The following PTPN14 variants were observed in gnomAD, a reference collection of about 807,000 sequenced individuals.
PTPN14 encodes protein tyrosine phosphatase non-receptor type 14, also known as tyrosine-protein phosphatase non-receptor type 14.
Under a neutral mutation model 126.8 loss-of-function variants are expected in PTPN14, and 53 were observed. That is an observed-to-expected ratio of 0.42 (90% CI 0.34 to 0.53). The LOEUF (loss-of-function observed/expected upper bound fraction) is 0.53, where lower values mean the gene tolerates loss of function less well. Among genes scored for constraint, PTPN14 ranks in the 20% least tolerant of loss-of-function variants. PTPN14 has a pLI of 0.08. For missense variants in PTPN14, 1,257 were observed against 1,552.9 expected (o/e 0.81, Z 3.20); for synonymous variants, 630 against 599.3 (o/e 1.05, Z -0.75).
At chr1:214,507,045 T>C (rs1188527339) in intron 1 of PTPN14, among the ~76,000 whole-genome samples, 1 of 152,062 alleles carries the variant, frequency 6.6e-6, no homozygotes, top group African/African-American at 2.4e-5. Flanking sequence ...CATTCATGGA[T>C]ATCACCTGCT....
At chr1:214,518,355 C>G (rs7416755) in intron 1 of PTPN14, among the ~76,000 whole-genome samples, 1 of 152,212 alleles carries the variant, frequency 6.6e-6, no homozygotes, top group African/African-American at 2.4e-5. Flanking sequence ...CTTTTAGAAT[C>G]TGATAAATGA....
At chr1:214,411,247 T>C (rs1450369629) in intron 5 of PTPN14, among the ~76,000 whole-genome samples, 1 of 152,120 alleles carries the variant, frequency 6.6e-6, no homozygotes, top group Admixed American at 6.5e-5. Flanking sequence ...CTATTAAACA[T>C]AGTACTGGAA....
Position 214,464,972 on chromosome 1 carries a change from G to C in PTPN14, c.-154-15C>G. ...CTGGAAGATAGCTGTAAATGCAAAA[G>C]AAATGCCATGGTCATGCTCCAGAAG... On this transcript the variant is annotated splice_polypyrimidine_tract_variant and intron_variant, in intron 1 of 18. Coordinates refer to ENST00000366956, the MANE Select transcript of PTPN14 (RefSeq NM_005401.5). 4.0e-6 allele frequency: 3 copies of C among 746,720 alleles called. No individual in the cohort carries two copies. Among genetic ancestry groups the C allele is most frequent in the Admixed American group, 3.0e-5 (1 of 33,400 alleles). 46.3% of individuals were successfully genotyped at this position (746,720 alleles called of 1,614,324 possible).
intron 1 of PTPN14, among the ~76,000 whole-genome samples, chr1:214,479,720 T>C (rs1660945586): frequency 6.6e-6 from 1 of 152,216 alleles, no homozygotes; most frequent in Admixed American, 6.5e-5. Context: ...TTTTGAATTA[T>C]TAGGGTTAGA....
Position 214,384,793 on chromosome 1 carries a change from A to C in PTPN14, c.1067-5T>G, listed in dbSNP as rs749653042. The C allele has an allele frequency of 6.2e-7, 1 of 1,605,214 alleles. No homozygotes were observed. The highest frequency in any genetic ancestry group is 1.1e-5 in the South Asian group (1 of 90,056). On this transcript the variant is annotated splice_region_variant and splice_polypyrimidine_tract_variant and intron_variant, in intron 12 of 18. Coordinates refer to ENST00000366956, the MANE Select transcript of PTPN14 (RefSeq NM_005401.5). This position sits in a 1 kb window ranked among gnomAD's most constrained non-coding sequence, Gnocchi z 5.3. ...CATTCCCATGAAAAATGCTGTCTAC[A>C]AGAAGTCAAACAAAGGCACGTGAAC...
intron 3 of PTPN14, among the ~76,000 whole-genome samples, chr1:214,439,049 T>A (rs191428935): frequency 6.6e-6 from 1 of 152,208 alleles, no homozygotes; most frequent in Non-Finnish European, 1.5e-5. Flanking sequence ...TTTTCCTTTT[T>A]TTCCCCCTAC....
At chr1:214,526,490 G>C (rs992632587) in intron 1 of PTPN14, among the ~76,000 whole-genome samples, 6 of 151,122 alleles carry the variant, frequency 4.0e-5, no homozygotes, top group Admixed American at 4.0e-4. Flanking sequence ...ACTACCCTTA[G>C]AATCTGTTAA....
intron 1 of PTPN14, among the ~76,000 whole-genome samples, chr1:214,516,206 G>A (rs1655098925): frequency 6.6e-6 from 1 of 152,158 alleles, no homozygotes; most frequent in South Asian, 2.1e-4. Flanking sequence ...TGCTTCTACA[G>A]TGTCTTCACC....
rs200092405 is a variant in PTPN14, at chr1:214,506,252, C to T, written c.-154-41295G>A. Among the ~76,000 whole-genome samples, 84 of 152,268 alleles carry T rather than the reference C, an allele frequency of 5.5e-4. 2 individuals are homozygous for T. The East Asian group carries it at 0.016, about 29-fold the overall frequency. ...GGCACGGTGGCTCACACCCTGTAAC[C>T]TCAATGCTATGGGAGGCCACAGTGG... On this transcript the variant is annotated intron_variant, in intron 1 of 18. Transcript: ENST00000366956.
At chr1:214,500,730 C>A (rs1221336974) in intron 1 of PTPN14, among the ~76,000 whole-genome samples, 3 of 151,984 alleles carry the variant, frequency 2.0e-5, no homozygotes, top group African/African-American at 7.3e-5. Flanking sequence ...TACATCCTAT[C>A]TAAGGTCTTC....
In PTPN14 at chr1:214,384,061, C is replaced by A. The variant is rs2102538217; in HGVS notation, c.1794G>T (p.Val598=). 6.3e-7 allele frequency: 1 copy of A among 1,580,186 alleles called. No homozygotes were observed. The part of the protein sequence containing the change: ...KYVSGSSPDL[V]TRKVQLSVKT... Reference sequence around the variant, plus strand: ...TCACCGAGAGCTGCACCTTCCGGGTCACCAGGTCCGGGCTGCTGCCGCTGA... The same window carrying A: ...TCACCGAGAGCTGCACCTTCCGGGTAACCAGGTCCGGGCTGCTGCCGCTGA... The change falls in exon 13 of 19, where the codon GTG becomes GTT. Residue 598 remains valine, a synonymous_variant. Coordinates refer to ENST00000366956, the MANE Select transcript of PTPN14 (RefSeq NM_005401.5). This position sits in a 1 kb window ranked among gnomAD's most constrained non-coding sequence, Gnocchi z 5.3.
At chr1:214,431,462 T>C (rs906479699) in intron 3 of PTPN14, among the ~76,000 whole-genome samples, 3 of 152,196 alleles carry the variant, frequency 2.0e-5, no homozygotes, top group African/African-American at 7.2e-5. Flanking sequence ...TTAAGAAGGA[T>C]AAATAACTCA....
At chr1:214,461,531 G>A (rs1353613249) in intron 2 of PTPN14, among the ~76,000 whole-genome samples, 1 of 152,174 alleles carries the variant, frequency 6.6e-6, no homozygotes, top group Non-Finnish European at 1.5e-5. Context: ...TACTTGGGAG[G>A]CTGAGGTGGG....
At chr1:214,393,871 C>A (rs779968760) in intron 9 of PTPN14, 94 bp from the exon 10 acceptor site, 1 of 999,988 alleles carries the variant, frequency 1.0e-6, no homozygotes, top group Non-Finnish European at 1.5e-6. Flanking sequence ...CACATCCCTT[C>A]CAACCTTCAT....
chr1:214,435,012 G>A (rs1374575530), intron 3 of PTPN14, among the ~76,000 whole-genome samples: 1 of 152,216 alleles, frequency 6.6e-6, no homozygotes, highest in Non-Finnish European at 1.5e-5. Context: ...CAATGCCCAT[G>A]TGAATTTGTA....
At chr1:214,532,170 C>CCT in intron 1 of PTPN14, 1 of 321,566 alleles carries the variant, frequency 3.1e-6, no homozygotes, top group Middle Eastern at 1.3e-3. Context: ...TGGGTCCTGT[C>CCT]CTCTCGTTCT....
intron 1 of PTPN14, among the ~76,000 whole-genome samples, chr1:214,496,481 T>C (rs1282882130): frequency 6.6e-6 from 1 of 152,206 alleles, no homozygotes; most frequent in Non-Finnish European, 1.5e-5. Flanking sequence ...GAGTTACTAG[T>C]ACCTGCCCTG....
intron 2 of PTPN14, among the ~76,000 whole-genome samples, chr1:214,452,736 T>G (rs1572009340): frequency 6.6e-6 from 1 of 152,224 alleles, no homozygotes; most frequent in Non-Finnish European, 1.5e-5. Context: ...AAACAGGTAC[T>G]TTTATGCACC....
At chr1:214,519,536 A>G (rs1655191192) in intron 1 of PTPN14, among the ~76,000 whole-genome samples, 1 of 152,222 alleles carries the variant, frequency 6.6e-6, no homozygotes, top group Admixed American at 6.5e-5. Flanking sequence ...AGTTTCAGAT[A>G]CTAAAGCACT....
Sources: allele counts gnomAD v4.1 joint callset (sites outside exome capture counted in the v4.1 genomes callset), GRCh38; gene constraint gnomAD v4.1.1; non-coding constraint Gnocchi (gnomAD v3.1); transcripts MANE v1.5; gene names NCBI Gene and HGNC (gene_info 2026-07-23, HGNC 2026-07-21).